Variants in GSE1 observed in about 807,000 individuals in gnomAD.
GSE1 encodes genetic suppressor element 1.
GSE1 carries 32 observed loss-of-function variants against 112.6 expected under a neutral mutation model. The observed-to-expected ratio is 0.28, with a 90% CI of 0.21 to 0.38. GSE1 has a LOEUF of 0.38. GSE1 is among the 10% of genes least tolerant of loss of function. GSE1 has a pLI of 1.00. For missense variants in GSE1, 2,348 were observed against 1,699.2 expected (o/e 1.38, Z -6.71); for synonymous variants, 1,115 against 735.6 (o/e 1.52, Z -8.35).
intron 1 of GSE1, among the ~76,000 whole-genome samples, chr16:85,337,902 A>G (rs111837225): frequency 0.027 from 4,136 of 152,326 alleles, 191 homozygotes; most frequent in African/African-American, 0.094. Flanking sequence ...AAGCCTCCGT[A>G]TTGGTCTCAG....
chr16:85,231,681 A>G (rs979567913), intron 1 of GSE1, among the ~76,000 whole-genome samples: 1 of 152,162 alleles, frequency 6.6e-6, no homozygotes, highest in Non-Finnish European at 1.5e-5. Flanking sequence ...GGGCAGAGCT[A>G]CCTGTGTGAT....
intron 1 of GSE1, chr16:85,282,843 C>T (rs1391560886): frequency 6.6e-6 from 1 of 152,272 alleles, no homozygotes; most frequent in Admixed American, 6.5e-5. Context: ...CACTCCCAAA[C>T]CTTGTGGCTT....
At chr16:85,668,774 C>G (rs1390826094) in intron 14 of GSE1, among the ~76,000 whole-genome samples, 1 of 152,342 alleles carries the variant, frequency 6.6e-6, no homozygotes, top group Non-Finnish European at 1.5e-5. Flanking sequence ...TTGCTGAGCC[C>G]TGGCAGCTAG....
chr16:85,618,949 C>T (rs936945499), intron 1 of GSE1, among the ~76,000 whole-genome samples: 1 of 152,234 alleles, frequency 6.6e-6, no homozygotes, highest in Admixed American at 6.5e-5. Flanking sequence ...CAGGCATGAG[C>T]CACTGTGTCC....
chr16:85,292,611 G>A (rs9933704), intron 1 of GSE1, among the ~76,000 whole-genome samples: 1 of 152,256 alleles, frequency 6.6e-6, no homozygotes, highest in East Asian at 1.9e-4. Context: ...ACAGGCCGGA[G>A]CCACTGTGCC....
intron 1 of GSE1, among the ~76,000 whole-genome samples, chr16:85,605,766 G>T (rs902339442): frequency 7.9e-5 from 12 of 151,970 alleles, no homozygotes; most frequent in Admixed American, 6.5e-5. Flanking sequence ...GTTTTTAGAG[G>T]TAAGTGGTAG....
At chr16:85,642,861 T>C (rs57060728) in intron 2 of GSE1, among the ~76,000 whole-genome samples, 5,246 of 152,190 alleles carry the variant, frequency 0.034, 343 homozygotes, top group African/African-American at 0.12. Context: ...CCTTCCATGC[T>C]CGCTGCTGGC....
intron 2 of GSE1, among the ~76,000 whole-genome samples, chr16:85,388,930 C>T (rs921443097): frequency 1.3e-5 from 2 of 152,082 alleles, no homozygotes; most frequent in Non-Finnish European, 2.9e-5. Flanking sequence ...CATAGGTGTC[C>T]TGAATCCTAC....
intron 1 of GSE1, among the ~76,000 whole-genome samples, chr16:85,224,530 C>G (rs574768788): frequency 1.1e-4 from 17 of 152,092 alleles, no homozygotes; most frequent in Admixed American, 9.8e-4. Flanking sequence ...TTGGCAGTAT[C>G]CAGACTCATT....
Position 85,668,201 on chromosome 16 carries a change from C to G in GSE1, c.3192C>G (p.Asn1064Lys). Residue 1064 changes from asparagine (N) to lysine (K), a missense_variant, in exon 14 of 16, where the codon AAC (asparagine) becomes AAG (lysine). Physicochemically the swap from Asn to Lys is moderately conservative, Grantham distance 94. Coordinates refer to ENST00000253458, the MANE Select transcript of GSE1 (RefSeq NM_014615.5). ...NHKVDTSVHY[N>K]IPELQSSSRA... ...AGGTTGACACGTCCGTCCACTACAA[C>G]ATTCCTGAGCTGCAGTCCTCCAGCC... The G allele has an allele frequency of 6.2e-7, 1 of 1,609,924 alleles. No individual in the cohort carries two copies. Among genetic ancestry groups the G allele is most frequent in the Non-Finnish European group, 8.5e-7 (1 of 1,176,374 alleles).
chr16:85,244,057 C>T (rs900353010), intron 1 of GSE1, among the ~76,000 whole-genome samples: 2 of 152,096 alleles, frequency 1.3e-5, no homozygotes, highest in African/African-American at 4.8e-5. Flanking sequence ...ACCTGGGAGG[C>T]AGAGGTTGCC....
At chr16:85,335,767 G>A (rs565284562) in intron 1 of GSE1, among the ~76,000 whole-genome samples, 2 of 152,312 alleles carry the variant, frequency 1.3e-5, no homozygotes, top group East Asian at 3.9e-4. Context: ...TGTCCATTTC[G>A]GAGTTGGGAA....
At chr16:85,493,849 G>C (rs373555510) in intron 2 of GSE1, among the ~76,000 whole-genome samples, 1 of 150,198 alleles carries the variant, frequency 6.7e-6, no homozygotes, top group Non-Finnish European at 1.5e-5. Context: ...CCAGCTACTT[G>C]GGAGCTCCTC....
chr16:85,570,718 C>A (rs2045947681), intron 1 of GSE1, among the ~76,000 whole-genome samples: 1 of 152,298 alleles, frequency 6.6e-6, no homozygotes, highest in East Asian at 1.9e-4. Context: ...TGGCTTCTTG[C>A]AAGTGCAACT....
At chr16:85,481,967 G>T (rs1437321862) in intron 2 of GSE1, among the ~76,000 whole-genome samples, 1 of 152,248 alleles carries the variant, frequency 6.6e-6, no homozygotes, top group Non-Finnish European at 1.5e-5. Context: ...AAGGCCCTGG[G>T]GGCAGGGTGG....
At chr16:85,220,721 G>A (rs940129591) in intron 1 of GSE1, among the ~76,000 whole-genome samples, 3 of 152,066 alleles carry the variant, frequency 2.0e-5, no homozygotes, top group Non-Finnish European at 2.9e-5. Context: ...GCTCTCTCGC[G>A]CTCTCTGCAC....
chr16:85,277,440 C>G (rs982893561), intron 1 of GSE1, among the ~76,000 whole-genome samples: 3 of 152,140 alleles, frequency 2.0e-5, no homozygotes, highest in African/African-American at 4.8e-5. Flanking sequence ...GGGGCCTGTC[C>G]CTTGGGCGGC....
intron 1 of GSE1, among the ~76,000 whole-genome samples, chr16:85,588,072 T>C (rs2046791901): frequency 6.6e-6 from 1 of 152,146 alleles, no homozygotes; most frequent in Non-Finnish European, 1.5e-5. Flanking sequence ...GGCCAGGGGA[T>C]TCACTGCTGC....
In GSE1 at chr16:85,471,094, C is replaced by A. The variant is rs146405733; in HGVS notation, c.2464+113451C>A. ...ACGCCTCCGTGGCATGTCCTTGAGC[C>A]CAGCCACGTGAGAGGTGCACGGCTC... On this transcript the variant is annotated intron_variant, in intron 2 of 2. Transcript: ENST00000637419. Among the ~76,000 whole-genome samples the A allele has an allele frequency of 2.0e-3, 308 of 152,246 alleles. 2 individuals carry two copies. The highest frequency in any genetic ancestry group is 7.2e-3 in the African/African-American group (300 of 41,524).
Sources: allele counts gnomAD v4.1 joint callset (sites outside exome capture counted in the v4.1 genomes callset), GRCh38; gene constraint gnomAD v4.1.1; transcripts MANE v1.5; gene names NCBI Gene and HGNC (gene_info 2026-07-23, HGNC 2026-07-21).